The following MED12L variants were observed in gnomAD, a reference collection of about 807,000 sequenced individuals.
The protein encoded by MED12L is mediator of RNA polymerase II transcription subunit 12-like protein.
Under a neutral mutation model 281.3 loss-of-function variants are expected in MED12L, and 60 were observed. That is an observed-to-expected ratio of 0.21 (90% CI 0.17 to 0.26). The LOEUF is 0.26. Among genes scored for constraint, MED12L ranks in the 10% least tolerant of loss-of-function variants. MED12L has a pLI of 1.00. For synonymous variants in MED12L, 974 were observed against 987.2 expected (o/e 0.99, Z 0.25); for missense variants, 2,146 against 2,680.9 (o/e 0.80, Z 4.41).
chr3:151,375,525 T>TA (rs1560097030), intron 27 of MED12L, among the ~76,000 whole-genome samples: 2 of 152,108 alleles, frequency 1.3e-5, no homozygotes, highest in South Asian at 2.1e-4. Flanking sequence ...AATTATTGTA[T>TA]AAAAAAGAGA....
chr3:151,219,913 T>G, intron 16 of MED12L, among the ~76,000 whole-genome samples: 1 of 118,218 alleles, frequency 8.5e-6, no homozygotes, highest in African/African-American at 3.3e-5. Context: ...CCCTTGGATA[T>G]GGATGATCGA....
At chr3:151,263,771 C>G (rs932887338) in intron 16 of MED12L, among the ~76,000 whole-genome samples, 9 of 150,696 alleles carry the variant, frequency 6.0e-5, no homozygotes, top group East Asian at 1.9e-4. Context: ...CCACCCCCCC[C>G]ACTTATCAGC....
At chr3:151,291,789 T>C (rs1007129749) in intron 16 of MED12L, among the ~76,000 whole-genome samples, 2 of 152,214 alleles carry the variant, frequency 1.3e-5, no homozygotes, top group African/African-American at 2.4e-5. Context: ...TGGATAAATA[T>C]TTTTCATGCC....
At chr3:151,114,235 C>CAGA (rs1712370310) in intron 2 of MED12L, among the ~76,000 whole-genome samples, 2 of 152,126 alleles carry the variant, frequency 1.3e-5, no homozygotes, top group Non-Finnish European at 2.9e-5. Flanking sequence ...GTACACGTAA[C>CAGA]TCATATTCTG....
intron 16 of MED12L, among the ~76,000 whole-genome samples, chr3:151,217,465 C>T (rs79910002): frequency 6.6e-6 from 1 of 152,334 alleles, no homozygotes; most frequent in East Asian, 1.9e-4. Flanking sequence ...ATGGAAGGGA[C>T]TGACTGACCA....
At chr3:151,216,374 C>G (rs1728220717) in intron 16 of MED12L, among the ~76,000 whole-genome samples, 1 of 152,100 alleles carries the variant, frequency 6.6e-6, no homozygotes, top group African/African-American at 2.4e-5. Flanking sequence ...CAGTGAATGA[C>G]AAGTTAGGTT....
intron 40 of MED12L, among the ~76,000 whole-genome samples, chr3:151,411,061 TG>T (rs1157747815): frequency 6.6e-6 from 1 of 152,196 alleles, no homozygotes; most frequent in Admixed American, 6.5e-5. Context: ...TTGACATTTC[TG>T]GTGAGTCATT....
chr3:151,366,938 A>C (rs1055018443), intron 23 of MED12L, among the ~76,000 whole-genome samples: 29 of 152,276 alleles, frequency 1.9e-4, no homozygotes, highest in Admixed American at 9.8e-4. Context: ...TGTGAACCTT[A>C]TGGTGGTGTG....
chr3:151,371,808 A>G (rs1577477540), intron 26 of MED12L, among the ~76,000 whole-genome samples: 2 of 152,320 alleles, frequency 1.3e-5, no homozygotes, highest in African/African-American at 2.4e-5. Context: ...CTTTTAAAAT[A>G]TGATAGTTAT....
intron 5 of MED12L, among the ~76,000 whole-genome samples, chr3:151,152,203 G>A (rs1359227575): frequency 3.4e-5 from 5 of 146,488 alleles, no homozygotes; most frequent in East Asian, 4.2e-4. Context: ...GGGCTCAAGC[G>A]GCCTTCTGAC....
intron 2 of MED12L, among the ~76,000 whole-genome samples, chr3:151,103,556 G>C (rs991997863): frequency 5.4e-4 from 82 of 152,262 alleles, no homozygotes; most frequent in African/African-American, 1.9e-3. Context: ...TTACTGAGTA[G>C]TCAGTCATGT....
rs142889529 is a variant in MED12L at position 151,249,971 on chromosome 3, C to T, written c.2250+56305C>T. ...CTTCTGTCCTAGAGAGGCATGCTCA[C>T]GATCAATCATGCCTGTTATCATTAT... On this transcript the variant is annotated intron_variant, in intron 16 of 44. Coordinates refer to ENST00000687756, the MANE Select transcript of MED12L (RefSeq NM_001393769.1). 2.1e-3 allele frequency among the ~76,000 whole-genome samples: 315 copies of T among 152,254 alleles called. 1 individual carries two copies. Among genetic ancestry groups the T allele is most frequent in the African/African-American group, 6.9e-3 (287 of 41,522 alleles).
At chr3:151,274,476 ATAGG>A (rs1275239549) in intron 16 of MED12L, among the ~76,000 whole-genome samples, 8 of 152,096 alleles carry the variant, frequency 5.3e-5, no homozygotes, top group African/African-American at 1.9e-4. Flanking sequence ...GTGCAGAAAC[ATAGG>A]TAGGCAGTTT....
intron 43 of MED12L, 51 bp from the exon 44 acceptor site, chr3:151,430,246 CTG>C: frequency 6.2e-7 from 1 of 1,610,508 alleles, no homozygotes; most frequent in South Asian, 1.1e-5. Context: ...CTGTTCTTGT[CTG>C]TGATTGGCAC....
chr3:151,355,848 A>T (rs768072012), intron 18 of MED12L, 48 bp from the exon 19 acceptor site: 15 of 1,496,862 alleles, frequency 1.0e-5, no homozygotes, highest in Non-Finnish European at 1.4e-5. Flanking sequence ...TTAGTAAAAG[A>T]TTATTTAGAA....
intron 16 of MED12L, among the ~76,000 whole-genome samples, chr3:151,249,562 G>T (rs1318073409): frequency 6.6e-6 from 1 of 152,042 alleles, no homozygotes; most frequent in Non-Finnish European, 1.5e-5. Flanking sequence ...TGGGACTTGG[G>T]GGATTTGCTC....
intron 16 of MED12L, among the ~76,000 whole-genome samples, chr3:151,243,529 G>A (rs1734694711): frequency 6.6e-6 from 1 of 152,100 alleles, no homozygotes; most frequent in Non-Finnish European, 1.5e-5. Flanking sequence ...CTTCATAAGC[G>A]AAGGAGAAAT....
intron 16 of MED12L, among the ~76,000 whole-genome samples, chr3:151,236,523 G>A (rs1412227667): frequency 6.6e-6 from 1 of 152,182 alleles, no homozygotes; most frequent in African/African-American, 2.4e-5. Flanking sequence ...GACCTTGACA[G>A]TAAGCAGCTG....
At chr3:151,362,780 A>C (rs1006853038) in intron 21 of MED12L, among the ~76,000 whole-genome samples, 1 of 152,232 alleles carries the variant, frequency 6.6e-6, no homozygotes, top group African/African-American at 2.4e-5. Flanking sequence ...GTATTAATAA[A>C]GTGTGAAAAT....
Sources: allele counts gnomAD v4.1 joint callset (sites outside exome capture counted in the v4.1 genomes callset), GRCh38; gene constraint gnomAD v4.1.1; transcripts MANE v1.5; gene names NCBI Gene and HGNC (gene_info 2026-07-23, HGNC 2026-07-21).